Variants in SPACA7 observed in about 807,000 individuals in gnomAD.
SPACA7 encodes the protein sperm acrosome associated 7.
SPACA7 carries 19 observed loss-of-function variants against 26.3 expected under a neutral mutation model. The ratio of observed to expected loss-of-function variants is 0.72; its 90% confidence interval spans 0.50 to 1.06. The LOEUF is 1.06. SPACA7 is among the 50% of genes least tolerant of loss of function. The pLI, the probability that SPACA7 is intolerant of heterozygous loss-of-function variation, is 0.00. For synonymous variants in SPACA7, 84 were observed against 84.5 expected (o/e 0.99, Z 0.04); for missense variants, 211 against 229.9 (o/e 0.92, Z 0.53).
rs144377874 is a variant in SPACA7 at position 112,432,847 on chromosome 13, C to T, written c.523+326C>T. Among the ~76,000 whole-genome samples, 571 of 152,308 alleles carry T rather than the reference C, an allele frequency of 3.7e-3. 2 individuals are homozygous for T. The highest frequency in any genetic ancestry group is 0.012 in the African/African-American group (481 of 41,576). On this transcript the variant is annotated intron_variant, in intron 6 of 6. Coordinates refer to ENST00000283550, the MANE Select transcript of SPACA7 (RefSeq NM_145248.5). ...CCCACCTACTCAAGGGTCTCAACCA[C>T]GTGATGACGGGAGCCTGCTCCCCCA...
intron 5 of SPACA7, among the ~76,000 whole-genome samples, chr13:112,416,177 C>T (rs2139025339): frequency 6.6e-6 from 1 of 152,134 alleles, no homozygotes; most frequent in South Asian, 2.1e-4. Flanking sequence ...GTGAAGGTGA[C>T]TTCTTGAATG....
At chr13:112,409,227 A>C (rs1319557801) in intron 5 of SPACA7, among the ~76,000 whole-genome samples, 1 of 152,240 alleles carries the variant, frequency 6.6e-6, no homozygotes, top group African/African-American at 2.4e-5. Context: ...AGATGGATTA[A>C]AGACTTAAAT....
intron 5 of SPACA7, among the ~76,000 whole-genome samples, chr13:112,418,286 T>G (rs940614121): frequency 1.3e-5 from 2 of 152,218 alleles, no homozygotes; most frequent in African/African-American, 4.8e-5. Context: ...AGAACAATCC[T>G]CAACTGTAAT....
chr13:112,399,469 G>T (rs1885497821), intron 4 of SPACA7, among the ~76,000 whole-genome samples: 1 of 152,096 alleles, frequency 6.6e-6, no homozygotes, highest in Non-Finnish European at 1.5e-5. Flanking sequence ...CTGCCACAAT[G>T]CCTGGCCCCC....
intron 1 of SPACA7, among the ~76,000 whole-genome samples, chr13:112,383,125 G>GAAAGAA (rs1555324444): frequency 0.14 from 600 of 4,246 alleles, 25 homozygotes; most frequent in Non-Finnish European, 0.25. Flanking sequence ...GAAAAGAAAA[G>GAAAGAA]AAAGAAAGAA....
chr13:112,415,336 T>C (rs1300201198), intron 5 of SPACA7, among the ~76,000 whole-genome samples: 6 of 152,244 alleles, frequency 3.9e-5, no homozygotes, highest in African/African-American at 1.4e-4. Flanking sequence ...CAGCTGCTAC[T>C]GCCTAACTGC....
chr13:112,405,387 G>C (rs1885921538), intron 5 of SPACA7, among the ~76,000 whole-genome samples: 1 of 151,862 alleles, frequency 6.6e-6, no homozygotes. Context: ...CTCATGTATA[G>C]TGTTTTCATT....
Position 112,376,484 on chromosome 13 carries a change from G to A in SPACA7, c.94+5G>A. ...GGCCGAGAACCGTGATTCCAGGTAG[G>A]GCCCCACAGGGATGTCTCAGCAGAA... On this transcript the variant is annotated splice_donor_5th_base_variant and intron_variant, in intron 1 of 6. Transcript: ENST00000283550. 2.5e-6 allele frequency: 4 copies of A among 1,611,132 alleles called. No individual in the cohort carries two copies. The highest frequency in any genetic ancestry group is 3.4e-6 in the Non-Finnish European group (4 of 1,178,694).
chr13:112,433,248 G>C (rs1877357526), intron 6 of SPACA7, among the ~76,000 whole-genome samples: 1 of 146,862 alleles, frequency 6.8e-6, no homozygotes, highest in Non-Finnish European at 1.5e-5. Context: ...TGCTGTCTGT[G>C]AACTCCAAAG....
chr13:112,387,336 A>G lies in SPACA7; in HGVS notation c.95-5685A>G, dbSNP rs554249353. 1.3e-4 allele frequency among the ~76,000 whole-genome samples: 20 copies of G among 152,338 alleles called. No homozygotes were observed. In the Middle Eastern group the frequency reaches 0.01, roughly 78 times the overall value. On this transcript the variant is annotated intron_variant, in intron 1 of 6. Transcript: ENST00000283550. The stretch of plus-strand genomic sequence containing the variant: ...ATTTCATCCAGTATTGGTTTCAGGG[A>G]CCCACAGCAAAGTTTGTAACTGACC...
At chr13:112,404,901 C>T (rs1237159473) in intron 5 of SPACA7, among the ~76,000 whole-genome samples, 3 of 150,942 alleles carry the variant, frequency 2.0e-5, no homozygotes, top group African/African-American at 7.3e-5. Flanking sequence ...GCTATGCAAG[C>T]TCTTTTTTCA....
At chr13:112,395,179 G>A (rs1479898433) in intron 2 of SPACA7, among the ~76,000 whole-genome samples, 4 of 152,212 alleles carry the variant, frequency 2.6e-5, no homozygotes, top group African/African-American at 7.2e-5. Context: ...CCCAGGTCCC[G>A]TGCAGGCTGC....
At chr13:112,402,483 G>T (rs1047648723) in intron 5 of SPACA7, among the ~76,000 whole-genome samples, 2 of 152,040 alleles carry the variant, frequency 1.3e-5, no homozygotes, top group East Asian at 1.9e-4. Context: ...AAATAGAAAT[G>T]GTTTTCTTCT....
chr13:112,433,153 C>G (rs1877345039), intron 6 of SPACA7, among the ~76,000 whole-genome samples: 1 of 150,624 alleles, frequency 6.6e-6, no homozygotes, highest in Admixed American at 6.6e-5. Flanking sequence ...TGTGCCCAGC[C>G]CCTCCCCCCA....
intron 5 of SPACA7, among the ~76,000 whole-genome samples, chr13:112,431,777 G>A (rs940481668): frequency 1.3e-5 from 2 of 152,240 alleles, no homozygotes; most frequent in African/African-American, 4.8e-5. Flanking sequence ...TAAAGGAAGA[G>A]GATTAGGGTT....
intron 5 of SPACA7, among the ~76,000 whole-genome samples, chr13:112,413,199 TGCACATTA>T (rs1293939305): frequency 6.6e-6 from 1 of 152,230 alleles, no homozygotes; most frequent in Non-Finnish European, 1.5e-5. Context: ...AATTGCTTGT[TGCACATTA>T]GCACCCTTTT....
intron 2 of SPACA7, among the ~76,000 whole-genome samples, chr13:112,397,258 C>T (rs781029864): frequency 6.6e-5 from 10 of 152,300 alleles, no homozygotes; most frequent in Non-Finnish European, 1.3e-4. Context: ...GGAGCTTCTT[C>T]TTGAGGGACT....
At chr13:112,430,174 C>CTCTG (rs1366577519) in intron 5 of SPACA7, among the ~76,000 whole-genome samples, 10 of 134,208 alleles carry the variant, frequency 7.5e-5, no homozygotes, top group East Asian at 4.3e-4. Flanking sequence ...ATCTCTCTCT[C>CTCTG]TGTGTGTGTG....
chr13:112,377,939 G>A (rs1258653973), intron 1 of SPACA7, among the ~76,000 whole-genome samples: 1 of 152,210 alleles, frequency 6.6e-6, no homozygotes, highest in African/African-American at 2.4e-5. Context: ...GCAGTCTGTT[G>A]AGAAGATTTC....
Sources: gnomAD v4.1 joint callset for allele counts (sites outside exome capture counted in the v4.1 genomes callset) on GRCh38, gnomAD v4.1.1 for gene constraint, MANE v1.5 for transcripts, NCBI Gene and HGNC (gene_info 2026-07-23, HGNC 2026-07-21) for gene names.